The following CFAP46 variants were observed in gnomAD, a reference collection of about 807,000 sequenced individuals.
CFAP46 encodes the protein cilia and flagella associated protein 46.
CFAP46 carries 245 observed loss-of-function variants against 325.7 expected under a neutral mutation model. That is an observed-to-expected ratio of 0.75 (90% CI 0.68 to 0.84). The LOEUF (loss-of-function observed/expected upper bound fraction) is 0.84. CFAP46 is among the 40% of genes least tolerant of loss of function. The probability of loss-of-function intolerance (pLI) is 0.00; values close to 1 mark genes in which losing one functional copy is unlikely to be tolerated. For synonymous variants in CFAP46, 1,523 were observed against 1,495.9 expected, an observed-to-expected ratio of 1.02 and a Z score of -0.42; for missense variants, 3,346 against 3,543.0, an observed-to-expected ratio of 0.94 and a Z score of 1.41.
Position 132,817,907 on chromosome 10 carries a change from G to A in CFAP46, c.7118-2993C>T, listed in dbSNP as rs964760921. On this transcript the variant is annotated intron_variant, in intron 50 of 57. Transcript: ENST00000368586. This position sits in a 1 kb window ranked among gnomAD's most constrained non-coding sequence, Gnocchi z 4.4. ...CGCTCTGCCTGGAGGCTCCCGGGGA[G>A]AATCCTCTCCTGGCTCCTGGCCACG... is the stretch of plus-strand genomic sequence containing the variant. 1.3e-5 allele frequency among the ~76,000 whole-genome samples: 2 copies of A among 152,228 alleles called. No individual in the cohort carries two copies. Among genetic ancestry groups the A allele is most frequent in the African/African-American group, 2.4e-5 (1 of 41,466 alleles).
In CFAP46 at chr10:132,909,121, C is replaced by A. The variant is rs1849502774; in HGVS notation, c.2757+16G>T. 6.5e-7 allele frequency: 1 copy of A among 1,539,054 alleles called. No homozygotes were observed. Among genetic ancestry groups the A allele is most frequent in the Non-Finnish European group, 8.8e-7 (1 of 1,138,702 alleles). On this transcript the variant is annotated intron_variant, in intron 21 of 57. Transcript: ENST00000368586. ...CTCTTGGCCCCTGGCCTCCCGGGAC[C>A]CCTGGGGACACCTACCTGGGCCAGG...
chr10:132,928,054 TG>T (rs538502406), intron 9 of CFAP46, among the ~76,000 whole-genome samples: 50 of 152,132 alleles, frequency 3.3e-4, no homozygotes, highest in African/African-American at 1.2e-3. Context: ...CCACGGGCGG[TG>T]GGGGCAGAGT....
chr10:132,902,385 T>A (rs1849403496), intron 22 of CFAP46, among the ~76,000 whole-genome samples: 1 of 152,012 alleles, frequency 6.6e-6, no homozygotes, highest in Non-Finnish European at 1.5e-5. Flanking sequence ...GGATTCGAAG[T>A]TACTGATCAT....
chr10:132,837,524 GAC>G lies in CFAP46; in HGVS notation c.6439-612_6439-611del, dbSNP rs1273762315. Among the ~76,000 whole-genome samples the G allele has an allele frequency of 6.1e-4, 81 of 133,726 alleles. 1 individual carries two copies. Among genetic ancestry groups the G allele is most frequent in the African/African-American group, 1.9e-3 (69 of 35,404 alleles). 87.7% of individuals were successfully genotyped at this position (133,726 alleles called of 152,430 possible). ...ACACAGACGCACACAGACATGCACA[GAC>G]ACACGCACACGTACACAGATGCGCA... On this transcript the variant is annotated intron_variant, in intron 44 of 57. Transcript: ENST00000368586.
chr10:132,874,749 G>A lies in CFAP46; in HGVS notation c.4363-1925C>T, dbSNP rs562195738. On this transcript the variant is annotated intron_variant, in intron 31 of 57. Transcript: ENST00000368586. ...AGCATTCATGACTAAAATTATTAAC[G>A]AATAGAAATAAACTTCCTTCATCAA... Among the ~76,000 whole-genome samples, 12 of 150,898 alleles carry A rather than the reference G, an allele frequency of 8.0e-5. No homozygotes were observed. In the South Asian group the frequency reaches 2.1e-3, roughly 26 times the overall value.
At chr10:132,932,783 CA>C (rs1849932994) in intron 8 of CFAP46, among the ~76,000 whole-genome samples, 1 of 152,274 alleles carries the variant, frequency 6.6e-6, no homozygotes, top group African/African-American at 2.4e-5. Context: ...GTGCTCCAGA[CA>C]ACTTCAAGAA....
At chr10:132,853,872 T>C (rs1275807767) in intron 39 of CFAP46, among the ~76,000 whole-genome samples, 1 of 152,230 alleles carries the variant, frequency 6.6e-6, no homozygotes, top group African/African-American at 2.4e-5. Context: ...GTCTCTCATT[T>C]CTGATAGTGG....
intron 43 of CFAP46, among the ~76,000 whole-genome samples, 198 bp downstream of exon 43, chr10:132,846,734 A>G (rs148458756): frequency 2.9e-4 from 44 of 152,232 alleles, no homozygotes; most frequent in African/African-American, 9.4e-4. Context: ...GATGCAGGGG[A>G]TCGGGGATAA....
At chr10:132,872,953 G>T (rs144632239) in intron 31 of CFAP46, 129 bp from the exon 32 acceptor site, 6 of 1,040,898 alleles carry the variant, frequency 5.8e-6, no homozygotes, top group Non-Finnish European at 8.4e-6. Context: ...GGTGCTCAGC[G>T]CGTGTCCGCA....
rs546590301 is a variant in CFAP46, at chr10:132,877,161, G to A, written c.4213-200C>T. ...CAGTGCACGCAAAGCTTTCTGCCCC[G>A]TGCACAGCCAGAGTTGGCCTGGGGG... On this transcript the variant is annotated intron_variant, in intron 30 of 57. Transcript: ENST00000368586. The surrounding 1 kb of genome is among the most constrained non-coding windows in gnomAD (Gnocchi z 5.7). Among the ~76,000 whole-genome samples, 23 of 152,304 alleles carry A rather than the reference G, an allele frequency of 1.5e-4. No individual in the cohort carries two copies. Among genetic ancestry groups the A allele is most frequent in the Admixed American group, 3.9e-4 (6 of 15,304 alleles).
At chr10:132,912,118 A>ACC (rs1348177473) in intron 19 of CFAP46, among the ~76,000 whole-genome samples, 2 of 36,290 alleles carry the variant, frequency 5.5e-5, no homozygotes, top group African/African-American at 1.2e-4. Flanking sequence ...CTCTCCCTCC[A>ACC]CCCCCACCCC....
At chr10:132,810,749 G>C (rs921440334) in intron 56 of CFAP46, 40 of 728,874 alleles carry the variant, frequency 5.5e-5, no homozygotes, top group South Asian at 1.9e-4. Context: ...CCGTGGGCTG[G>C]TGCCAGGGGC....
Position 132,922,580 on chromosome 10 carries a change from C to T in CFAP46, c.1385G>A (p.Arg462Gln), listed in dbSNP as rs961649219. Residue 462 changes from arginine (R) to glutamine (Q), a missense_variant, in exon 12 of 58, where the codon CGG becomes CAG. Arg to Gln is a conservative substitution (Grantham distance 43). Transcript: ENST00000368586. Reference protein sequence around the residue: ...AARLDSLGLYRDRIQMASTRL... With the variant: ...AARLDSLGLYQDRIQMASTRL... ...GGTGGAGGCCATCTGGATCCTGTCCCGGTAGAGGCCCAGGCTGTCCAGGCG... is the reference window on the plus strand; with the variant it reads ...GGTGGAGGCCATCTGGATCCTGTCCTGGTAGAGGCCCAGGCTGTCCAGGCG... 81 of 1,548,566 alleles carry T rather than the reference C, an allele frequency of 5.2e-5. No individual in the cohort carries two copies. Among genetic ancestry groups the T allele is most frequent in the East Asian group, 1.2e-4 (5 of 40,916 alleles).
chr10:132,830,828 G>T (rs896797210), intron 50 of CFAP46, among the ~76,000 whole-genome samples: 1 of 152,168 alleles, frequency 6.6e-6, no homozygotes, highest in Non-Finnish European at 1.5e-5. Flanking sequence ...GATGATGCTT[G>T]TGTTGAATTT....
Position 132,881,125 on chromosome 10 carries a change from G to C in CFAP46, c.3628-93C>G, listed in dbSNP as rs1441780582. The C allele has an allele frequency of 7.3e-6, 9 of 1,240,422 alleles. No individual in the cohort carries two copies. In the Admixed American group the frequency reaches 1.9e-4, roughly 26 times the overall value. 76.8% of individuals were successfully genotyped at this position (1,240,422 alleles called of 1,614,324 possible). A position where few individuals can be genotyped will look rare whatever the true frequency, so the allele number is the denominator to read the frequency against. ...TACTTTTATTGCTCATTTTCTACAA[G>C]AAAAGCTTCATTCTTACCCCCACAG... On this transcript the variant is annotated intron_variant, in intron 27 of 57. Transcript: ENST00000368586.
chr10:132,881,655 C>T (rs561880483), intron 27 of CFAP46, among the ~76,000 whole-genome samples: 2 of 150,820 alleles, frequency 1.3e-5, no homozygotes, highest in African/African-American at 4.8e-5. Flanking sequence ...TAGCCTGCAC[C>T]GCACCCTCCG....
intron 8 of CFAP46, among the ~76,000 whole-genome samples, chr10:132,934,183 C>T (rs1211482016): frequency 6.6e-6 from 1 of 152,206 alleles, no homozygotes; most frequent in Non-Finnish European, 1.5e-5. Context: ...TTACTTGTTT[C>T]CCATTTTCTT....
At chr10:132,826,963 A>G (rs1374966357) in intron 50 of CFAP46, among the ~76,000 whole-genome samples, 1 of 152,176 alleles carries the variant, frequency 6.6e-6, no homozygotes, top group Admixed American at 6.5e-5. Flanking sequence ...GGGTGGGTGC[A>G]GGTGCTGCCT....
At position 132,877,181 on chromosome 10, in the gene CFAP46, T is replaced by C. The variant is rs1268334356; in HGVS notation, c.4213-220A>G. On this transcript the variant is annotated intron_variant, in intron 30 of 57. Transcript: ENST00000368586. This position sits in a 1 kb window ranked among gnomAD's most constrained non-coding sequence, Gnocchi z 5.7. The stretch of plus-strand genomic sequence containing the variant: ...GCCCCGTGCACAGCCAGAGTTGGCC[T>C]GGGGGTGCCCAGGCTCAGGACTCCC... Among the ~76,000 whole-genome samples the C allele has an allele frequency of 2.0e-5, 3 of 152,184 alleles. No homozygotes were observed. The highest frequency in any genetic ancestry group is 4.4e-5 in the Non-Finnish European group (3 of 68,026).
Sources: gnomAD v4.1 joint callset for allele counts (sites outside exome capture counted in the v4.1 genomes callset) on GRCh38, gnomAD v4.1.1 for gene constraint, Gnocchi (gnomAD v3.1) non-coding constraint, MANE v1.5 for transcripts, NCBI Gene and HGNC (gene_info 2026-07-23, HGNC 2026-07-21) for gene names.